The following MYOF variants were observed in gnomAD, a reference collection of about 807,000 sequenced individuals.
MYOF encodes the protein myoferlin.
A neutral mutation model predicts 284.2 loss-of-function variants in MYOF; 244 were observed. The ratio of observed to expected loss-of-function variants is 0.86; its 90% CI spans 0.77 to 0.95. MYOF has a LOEUF of 0.95. Among genes scored for constraint, MYOF ranks in the 40% least tolerant of loss-of-function variants. The pLI, the probability that MYOF is intolerant of heterozygous loss-of-function variation, is 0.00. For missense variants in MYOF, 2,496 were observed against 2,560.6 expected, an observed-to-expected ratio of 0.97 and a Z score of 0.54; for synonymous variants, 904 against 919.7, an observed-to-expected ratio of 0.98 and a Z score of 0.31.
At chr10:93,383,976 C>T (rs540289594) in intron 19 of MYOF, among the ~76,000 whole-genome samples, 17 of 152,300 alleles carry the variant, frequency 1.1e-4, no homozygotes, top group African/African-American at 3.9e-4. Flanking sequence ...AAATGACCCA[C>T]AGAATCCCTG....
chr10:93,395,884 C>T (rs185186842), intron 16 of MYOF, among the ~76,000 whole-genome samples: 80 of 150,868 alleles, frequency 5.3e-4, no homozygotes, highest in Non-Finnish European at 1.0e-3. Flanking sequence ...AATCTTCAAA[C>T]TGTAAATTTC....
chr10:93,436,146 T>C (rs1420363090), intron 3 of MYOF, among the ~76,000 whole-genome samples: 1 of 152,122 alleles, frequency 6.6e-6, no homozygotes, highest in African/African-American at 2.4e-5. Context: ...ACTCGTGCTA[T>C]GTAATACAAT....
chr10:93,338,018 C>A lies in MYOF; in HGVS notation c.4339-105G>T, dbSNP rs73317504. The A allele has an allele frequency of 3.5e-3, 2,907 of 834,290 alleles. 69 individuals carry two copies. The African/African-American group carries it at 0.045, about 13-fold the overall frequency. The allele number at this position is 834,290 out of a possible 1,614,324, so 51.7% of individuals were successfully genotyped here. A position where few individuals can be genotyped will look rare whatever the true frequency, so the allele number is the denominator to read the frequency against. On this transcript the variant is annotated intron_variant, in intron 39 of 53. Transcript: ENST00000359263. ...TTAAGAAGAAATAGGTTCTTCTGACCCTGTTAAAAGTGAGATTATATGACT... is the reference window on the plus strand; with the variant it reads ...TTAAGAAGAAATAGGTTCTTCTGACACTGTTAAAAGTGAGATTATATGACT...
At chr10:93,480,637 G>A (rs912368743) in intron 1 of MYOF, among the ~76,000 whole-genome samples, 50 of 151,508 alleles carry the variant, frequency 3.3e-4, no homozygotes, top group African/African-American at 9.5e-4. Flanking sequence ...CACCATGCCC[G>A]GCTAATTTTT....
At chr10:93,464,628 T>A (rs1249960934) in intron 1 of MYOF, among the ~76,000 whole-genome samples, 1 of 152,080 alleles carries the variant, frequency 6.6e-6, no homozygotes, top group Non-Finnish European at 1.5e-5. Context: ...TCAGAGTCCC[T>A]CATATATAAA....
intron 50 of MYOF, among the ~76,000 whole-genome samples, chr10:93,315,022 G>C (rs1201678948): frequency 6.6e-6 from 1 of 152,214 alleles, no homozygotes; most frequent in Admixed American, 6.5e-5. Context: ...CTGCACTCCA[G>C]CCTGGGTGAG....
Position 93,404,013 on chromosome 10 carries a change from T to C in MYOF, c.843+10A>G. On this transcript the variant is annotated intron_variant, in intron 9 of 53. Coordinates refer to ENST00000359263, the MANE Select transcript of MYOF (RefSeq NM_013451.4). ...CTGTAAGTTGAATGAAGCAGACTGT[T>C]GTCACTCACCTTAAATTCCCCCATC... is the stretch of plus-strand genomic sequence containing the variant. 6.2e-7 allele frequency: 1 copy of C among 1,613,256 alleles called. No individual in the cohort carries two copies. The highest frequency in any genetic ancestry group is 8.5e-7 in the Non-Finnish European group (1 of 1,179,166).
chr10:93,345,957 C>T (rs1002591161), intron 37 of MYOF, among the ~76,000 whole-genome samples: 2 of 152,116 alleles, frequency 1.3e-5, no homozygotes, highest in Non-Finnish European at 2.9e-5. Flanking sequence ...CCAGAGAAAG[C>T]GTGTAGCATT....
chr10:93,475,416 T>C (rs2057238155), intron 1 of MYOF, among the ~76,000 whole-genome samples: 3 of 152,150 alleles, frequency 2.0e-5, no homozygotes, highest in African/African-American at 7.2e-5. Context: ...TATACACCAA[T>C]TTGCCCCCAG....
chr10:93,377,331 TTCTATAACTTCA>T lies in MYOF; in HGVS notation c.2088_2099del (p.Asp696_Ile699del). On this transcript the variant is annotated inframe_deletion, in exon 22 of 54. Transcript: ENST00000359263. ...GCGTAAGATCACTGTACCTCGTGTCTTCTATAACTTCATCTATCAGCTTCAGCCACAATTCAG... is the reference window on the plus strand; with the variant it reads ...GCGTAAGATCACTGTACCTCGTGTCTTCTATCAGCTTCAGCCACAATTCAG... The T allele has an allele frequency of 6.2e-7, 1 of 1,613,506 alleles. No homozygotes were observed.
chr10:93,313,825 C>G (rs1206206526), intron 50 of MYOF, among the ~76,000 whole-genome samples: 1 of 152,018 alleles, frequency 6.6e-6, no homozygotes, highest in East Asian at 1.9e-4. Context: ...CGCGTGAGCC[C>G]AGGAGGCAGA....
At chr10:93,326,064 A>G in intron 45 of MYOF, 99 bp from the exon 46 acceptor site, 1 of 1,476,822 alleles carries the variant, frequency 6.8e-7, no homozygotes, top group Admixed American at 2.0e-5. Flanking sequence ...AGACTTTGCC[A>G]AAATGGACAG....
chr10:93,367,879 A>G lies in MYOF; in HGVS notation c.2590-1324T>C, dbSNP rs552872855. On this transcript the variant is annotated intron_variant, in intron 25 of 53. Coordinates refer to ENST00000359263, the MANE Select transcript of MYOF (RefSeq NM_013451.4). The stretch of plus-strand genomic sequence containing the variant: ...TTATTAGCACATGAAGGCAAGAGCC[A>G]GTAAAATTTCCATTATTATTAATGT... Among the ~76,000 whole-genome samples the G allele has an allele frequency of 1.8e-3, 275 of 152,310 alleles. 2 individuals are homozygous for G. Among genetic ancestry groups the G allele is most frequent in the African/African-American group, 6.4e-3 (264 of 41,572 alleles).
At chr10:93,449,910 G>A (rs1048410732) in intron 3 of MYOF, among the ~76,000 whole-genome samples, 1 of 152,256 alleles carries the variant, frequency 6.6e-6, no homozygotes, top group East Asian at 1.9e-4. Context: ...ACTGTCCAGG[G>A]AGTCCATGTC....
chr10:93,448,813 A>G (rs534146912), intron 3 of MYOF, among the ~76,000 whole-genome samples: 4 of 152,196 alleles, frequency 2.6e-5, no homozygotes, highest in East Asian at 1.9e-4. Flanking sequence ...TGGCCAACAT[A>G]GTGAAACCCT....
At chr10:93,388,018 G>A (rs1846481289) in intron 18 of MYOF, 105 bp from the exon 19 acceptor site, 2 of 825,328 alleles carry the variant, frequency 2.4e-6, no homozygotes, top group African/African-American at 1.7e-5. Context: ...TCCTTCCCAT[G>A]GCCCTAACCT....
At chr10:93,384,123 C>G (rs983137083) in intron 19 of MYOF, among the ~76,000 whole-genome samples, 1 of 152,184 alleles carries the variant, frequency 6.6e-6, no homozygotes, top group Non-Finnish European at 1.5e-5. Context: ...ACTGTGCAAG[C>G]CCAGATTCCA....
intron 4 of MYOF, among the ~76,000 whole-genome samples, chr10:93,429,937 T>A (rs565696228): frequency 3.9e-4 from 58 of 149,002 alleles, no homozygotes; most frequent in African/African-American, 1.1e-3. Flanking sequence ...CTTATTTTTT[T>A]AATTTTTTTT....
At chr10:93,322,935 CT>C in intron 48 of MYOF, 142 bp downstream of exon 48, 1 of 772,906 alleles carries the variant, frequency 1.3e-6, no homozygotes, top group Admixed American at 2.2e-5. Context: ...TTTCCAGGAG[CT>C]ACCTAAGTAG....
Sources: allele counts gnomAD v4.1 joint callset (sites outside exome capture counted in the v4.1 genomes callset), GRCh38; gene constraint gnomAD v4.1.1; transcripts MANE v1.5; gene names NCBI Gene and HGNC (gene_info 2026-07-23, HGNC 2026-07-21).